MARCHF1: variants seen among roughly 807,000 people sequenced by gnomAD.
MARCHF1 encodes membrane associated ring-CH-type finger 1.
A neutral mutation model predicts 54.2 loss-of-function variants in MARCHF1; 40 were observed. That is an observed-to-expected ratio of 0.74 (90% CI 0.57 to 0.96). The LOEUF is 0.96. Ranked by LOEUF, MARCHF1 falls within the 40% of genes least tolerant of loss-of-function variation. MARCHF1 has a pLI of 0.00. For synonymous variants in MARCHF1, 236 were observed against 236.3 expected (o/e 1.00, Z 0.01); for missense variants, 586 against 656.5 (o/e 0.89, Z 1.17).
rs1468071590 is a variant in MARCHF1, at chr4:163,975,598, A to ATT, written c.-39+12901_-39+12902dup. On this transcript the variant is annotated intron_variant, in intron 3 of 9. Transcript: ENST00000514618. ...GTTCTTTTCAGGTAAACATCCCAGG[A>ATT]TTAAGATGAAATCAAGGGATTGGCT... Among the ~76,000 whole-genome samples the ATT allele has an allele frequency of 5.9e-5, 9 of 152,320 alleles. No homozygotes were observed. In the East Asian group the frequency reaches 1.7e-3, roughly 29 times the overall value.
intron 1 of MARCHF1, chr4:164,189,364 C>G (rs1418614994): frequency 1.6e-6 from 1 of 624,130 alleles, no homozygotes; most frequent in African/African-American, 1.8e-5. Context: ...ATTTTAAGAG[C>G]TAAACATGGA....
chr4:163,653,344 T>G (rs1743034477), intron 5 of MARCHF1, among the ~76,000 whole-genome samples: 1 of 151,788 alleles, frequency 6.6e-6, no homozygotes, highest in Admixed American at 6.6e-5. Context: ...TAGCATGTGG[T>G]AAGAATGTTG....
chr4:163,743,577 CTTT>C (rs34675962), intron 4 of MARCHF1, among the ~76,000 whole-genome samples: 10 of 122,650 alleles, frequency 8.2e-5, no homozygotes, highest in Admixed American at 8.2e-5. Flanking sequence ...GATACACCAT[CTTT>C]TTTTTTTTTT....
chr4:163,704,611 C>T (rs971155150), intron 4 of MARCHF1, among the ~76,000 whole-genome samples: 6 of 151,080 alleles, frequency 4.0e-5, no homozygotes, highest in African/African-American at 9.7e-5. Context: ...AAGTCTTAAT[C>T]GCCTGACAAT....
At chr4:164,231,460 A>G (rs915439612) in intron 1 of MARCHF1, among the ~76,000 whole-genome samples, 2 of 152,178 alleles carry the variant, frequency 1.3e-5, no homozygotes, top group South Asian at 2.1e-4. Context: ...CTGGATCAAA[A>G]CAGAACAAAT....
intron 7 of MARCHF1, among the ~76,000 whole-genome samples, chr4:163,593,486 T>G (rs1560961784): frequency 6.6e-6 from 1 of 152,202 alleles, no homozygotes; most frequent in African/African-American, 2.4e-5. Context: ...ATAACAGCTA[T>G]CAGAAAAATT....
In MARCHF1 at chr4:163,613,331, G is replaced by A. The variant is rs1741408968; in HGVS notation, c.225C>T (p.Ser75=). The change falls in exon 6 of 10, where the codon TCC becomes TCT. Residue 75 remains serine (S), a synonymous_variant. Coordinates refer to ENST00000514618, the MANE Select transcript of MARCHF1 (RefSeq NM_001394959.1). ...RSQSRLSVCP[S]TQDICRSAIL... ...GCACTTACCTGCAGATGTCCTGAGT[G>A]GATGGACAGACAGACAACCTTGACT... 2 of 1,612,350 alleles carry A rather than the reference G, an allele frequency of 1.2e-6. No homozygotes were observed. Among genetic ancestry groups the A allele is most frequent in the Middle Eastern group, 1.6e-4 (1 of 6,062 alleles).
At chr4:163,605,221 C>A (rs976829292) in intron 7 of MARCHF1, among the ~76,000 whole-genome samples, 2 of 152,012 alleles carry the variant, frequency 1.3e-5, no homozygotes, top group African/African-American at 4.8e-5. Flanking sequence ...CAAGAAAAAA[C>A]AATCCCATCA....
rs537458018 is a variant in MARCHF1 at position 164,107,310 on chromosome 4, A to G, written c.-248+4278T>C. Among the ~76,000 whole-genome samples the G allele has an allele frequency of 2.3e-3, 352 of 152,276 alleles. 2 individuals carry two copies. Among genetic ancestry groups the G allele is most frequent in the African/African-American group, 8.0e-3 (333 of 41,548 alleles). On this transcript the variant is annotated intron_variant, in intron 2 of 9. Transcript: ENST00000514618. ...ATTAAGCACATATAATGATATATTG[A>G]GAAGACATAATGGTAAAATAGATCT...
At chr4:164,070,626 A>T (rs867304585) in intron 2 of MARCHF1, among the ~76,000 whole-genome samples, 3 of 152,192 alleles carry the variant, frequency 2.0e-5, no homozygotes, top group African/African-American at 7.2e-5. Flanking sequence ...GATAAATTAC[A>T]TGCTCAACCT....
At chr4:163,760,892 T>A (rs1746808885) in intron 4 of MARCHF1, among the ~76,000 whole-genome samples, 1 of 152,332 alleles carries the variant, frequency 6.6e-6, no homozygotes, top group Admixed American at 6.5e-5. Flanking sequence ...TAAACATATT[T>A]CTGCCTAACT....
intron 7 of MARCHF1, among the ~76,000 whole-genome samples, chr4:163,606,630 G>A (rs1741152218): frequency 6.6e-6 from 1 of 152,050 alleles, no homozygotes; most frequent in Non-Finnish European, 1.5e-5. Flanking sequence ...AGACATTTAA[G>A]AGGGGAAGAA....
chr4:164,326,487 G>C (rs1421924796), intron 1 of MARCHF1, among the ~76,000 whole-genome samples: 1 of 152,174 alleles, frequency 6.6e-6, no homozygotes, highest in African/African-American at 2.4e-5. Flanking sequence ...TGACTCTAAA[G>C]ATAGTTGCTA....
intron 9 of MARCHF1, among the ~76,000 whole-genome samples, chr4:163,535,017 T>C (rs1172788814): frequency 1.3e-5 from 2 of 152,058 alleles, no homozygotes; most frequent in East Asian, 1.9e-4. Context: ...TAGACAAATA[T>C]AATACTTTAA....
intron 5 of MARCHF1, among the ~76,000 whole-genome samples, chr4:163,692,567 A>ATGTTATATTGTC (rs1744496942): frequency 7.0e-6 from 1 of 143,166 alleles, no homozygotes; most frequent in Non-Finnish European, 1.5e-5. Flanking sequence ...GCGAGATACC[A>ATGTTATATTGTC]CAGGGCTGGA....
chr4:163,755,612 C>A (rs1246492216), intron 4 of MARCHF1, among the ~76,000 whole-genome samples: 1 of 140,920 alleles, frequency 7.1e-6, no homozygotes. Flanking sequence ...AACCAAAGGG[C>A]AAAGATCCCT....
At position 163,791,328 on chromosome 4, in the gene MARCHF1, C is replaced by T. The variant is rs185834407; in HGVS notation, c.111+62693G>A. On this transcript the variant is annotated intron_variant, in intron 4 of 9. Transcript: ENST00000514618. ...AATATGCCCATATAAAAGCCACACA[C>T]ATATAGTATTACTAAAATCTAAAAG... Among the ~76,000 whole-genome samples the T allele has an allele frequency of 8.5e-5, 13 of 152,142 alleles. No homozygotes were observed. In the East Asian group the frequency reaches 2.5e-3, roughly 29 times the overall value.
At chr4:163,780,214 C>G (rs568965643) in intron 4 of MARCHF1, among the ~76,000 whole-genome samples, 1 of 152,138 alleles carries the variant, frequency 6.6e-6, no homozygotes, top group African/African-American at 2.4e-5. Context: ...GAATGCAGAG[C>G]CCCAAGAAGG....
chr4:164,329,236 A>G (rs761190467), intron 1 of MARCHF1, among the ~76,000 whole-genome samples: 7 of 152,214 alleles, frequency 4.6e-5, no homozygotes, highest in Non-Finnish European at 1.0e-4. Context: ...ACAACCTTTT[A>G]CTTATGGAAA....
Sources: gnomAD v4.1 joint callset for allele counts (sites outside exome capture counted in the v4.1 genomes callset) on GRCh38, gnomAD v4.1.1 for gene constraint, MANE v1.5 for transcripts, NCBI Gene and HGNC (gene_info 2026-07-23, HGNC 2026-07-21) for gene names.